DNAJC6: variants seen among roughly 807,000 people sequenced by gnomAD.
The protein encoded by DNAJC6 is auxilin.
A neutral mutation model predicts 110.0 loss-of-function variants in DNAJC6; 34 were observed. That is an observed-to-expected ratio of 0.31 (90% CI 0.24 to 0.41). The LOEUF (loss-of-function observed/expected upper bound fraction) is 0.41. DNAJC6 is among the 10% of genes least tolerant of loss of function. DNAJC6 has a pLI of 1.00. For synonymous variants in DNAJC6, 406 were observed against 437.2 expected (o/e 0.93, Z 0.89); for missense variants, 1,031 against 1,207.8 (o/e 0.85, Z 2.17).
intron 1 of DNAJC6, among the ~76,000 whole-genome samples, chr1:65,360,710 T>G (rs1159161793): frequency 1.3e-5 from 2 of 152,180 alleles, no homozygotes; most frequent in African/African-American, 4.8e-5. Context: ...GAGAGCATTC[T>G]CAGATTTGTA....
intron 1 of DNAJC6, among the ~76,000 whole-genome samples, chr1:65,324,390 T>C (rs985709139): frequency 6.6e-6 from 1 of 151,894 alleles, no homozygotes; most frequent in Non-Finnish European, 1.5e-5. Context: ...GATGGAGTCT[T>C]GCCCTGTTGC....
At chr1:65,339,546 A>G (rs1405936531) in intron 1 of DNAJC6, among the ~76,000 whole-genome samples, 1 of 152,202 alleles carries the variant, frequency 6.6e-6, no homozygotes. Context: ...TTTAGGTACA[A>G]TTGTTATTTT....
At chr1:65,390,137 A>G (rs993912118) in intron 11 of DNAJC6, among the ~76,000 whole-genome samples, 5 of 152,166 alleles carry the variant, frequency 3.3e-5, no homozygotes, top group Non-Finnish European at 5.9e-5. Context: ...AGGCCATTTT[A>G]AACTGAATTC....
intron 1 of DNAJC6, among the ~76,000 whole-genome samples, chr1:65,314,838 A>G (rs1163462469): frequency 2.0e-5 from 3 of 152,262 alleles, no homozygotes; most frequent in African/African-American, 7.2e-5. Context: ...GTTTCTGGAT[A>G]ATCGTTTAAA....
At chr1:65,276,185 A>G (rs1157606565) in intron 1 of DNAJC6, among the ~76,000 whole-genome samples, 2 of 152,290 alleles carry the variant, frequency 1.3e-5, no homozygotes, top group Admixed American at 6.5e-5. Context: ...CCCAGCCTCT[A>G]TTAGATTCTT....
chr1:65,305,544 G>A (rs764318718), upstream of DNAJC6, among the ~76,000 whole-genome samples: 1 of 152,134 alleles, frequency 6.6e-6, no homozygotes, highest in Non-Finnish European at 1.5e-5. Context: ...ACTAGGTAAT[G>A]CCATGACATT....
At chr1:65,270,164 G>A (rs1041177449) in intron 1 of DNAJC6, among the ~76,000 whole-genome samples, 3 of 152,112 alleles carry the variant, frequency 2.0e-5, no homozygotes, top group African/African-American at 7.2e-5. Flanking sequence ...ATATACAAGT[G>A]CAAGTAGCTA....
chr1:65,301,291 CAAATT>C (rs1433738454), intron 1 of DNAJC6, among the ~76,000 whole-genome samples: 1 of 152,066 alleles, frequency 6.6e-6, no homozygotes, highest in Admixed American at 6.6e-5. Context: ...AAAATCAACA[CAAATT>C]AAAGGCTTCT....
At chr1:65,357,469 T>C (rs1252908881) in intron 1 of DNAJC6, among the ~76,000 whole-genome samples, 1 of 152,226 alleles carries the variant, frequency 6.6e-6, no homozygotes, top group African/African-American at 2.4e-5. Flanking sequence ...CTGCAGTTGG[T>C]GCCAAGTGTT....
In DNAJC6 at chr1:65,385,857, A is replaced by T. The variant is rs1324771569; in HGVS notation, c.946A>T (p.Ile316Phe). 4 of 1,613,052 alleles carry T rather than the reference A, an allele frequency of 2.5e-6. No homozygotes were observed. Among genetic ancestry groups the T allele is most frequent in the Non-Finnish European group, 3.4e-6 (4 of 1,179,290 alleles). The change falls in exon 7 of 19, where the codon ATT becomes TTT. Residue 316 changes from isoleucine (I) to phenylalanine (F), a missense_variant. Physicochemically the swap from Ile to Phe is conservative, Grantham distance 21 (BLOSUM62 0). Transcript: ENST00000371069. The stretch of plus-strand genomic sequence containing the variant: ...ATGTCGCCCTTACTGTGATGTACTC[A>T]TTGGAGAAACCAAAATATATTCGAC... ...NGCRPYCDVL[I>F]GETKIYSTCT...
upstream of DNAJC6, among the ~76,000 whole-genome samples, chr1:65,309,319 C>T (rs2101354215): frequency 6.6e-6 from 1 of 151,390 alleles, no homozygotes; most frequent in Middle Eastern, 3.4e-3. Flanking sequence ...TCCTACCTCC[C>T]TTTCCTTCCC....
chr1:65,388,406 A>G lies in DNAJC6; in HGVS notation c.1184A>G (p.Lys395Arg). 1 of 1,614,024 alleles carries G rather than the reference A, an allele frequency of 6.2e-7. No individual in the cohort carries two copies. The highest frequency in any genetic ancestry group is 1.1e-5 in the South Asian group (1 of 91,088). Residue 395 changes from lysine to arginine, a missense_variant, in exon 9 of 19, where the codon AAG becomes AGG. Physicochemically the swap from Lys to Arg is conservative, Grantham distance 26. Transcript: ENST00000371069. ...ATACCACTGGACACAACAGTTTTAA[A>G]GTTCACCAAGTAAGTACTGGTTGGG... ...GFIPLDTTVLKFTKPELDACD... is the reference protein window; with the variant it reads ...GFIPLDTTVLRFTKPELDACD...
At chr1:65,269,196 C>A (rs1570190629) in intron 1 of DNAJC6, among the ~76,000 whole-genome samples, 2 of 151,906 alleles carry the variant, frequency 1.3e-5, no homozygotes, top group Non-Finnish European at 2.9e-5. Context: ...GGTGAAACCC[C>A]CTCTCTACTA....
In DNAJC6 at chr1:65,405,894, C is replaced by T. The variant is rs746796279; in HGVS notation, c.2252C>T (p.Pro751Leu). ...GGTAGTTCTTCCTTTGCCAGCAAAC[C>T]CACCACACCAACTGGATTGGGTGGA... ...TLGSSSFASK[P>L]TTPTGLGGGF... Residue 751 changes from proline (P) to leucine (L), a missense_variant, in exon 16 of 19, where the codon CCC becomes CTC. Physicochemically the swap from Pro to Leu is moderately conservative, Grantham distance 98. Coordinates refer to ENST00000371069, the MANE Select transcript of DNAJC6 (RefSeq NM_001256864.2). 6.2e-7 allele frequency: 1 copy of T among 1,607,154 alleles called. No homozygotes were observed. Among genetic ancestry groups the T allele is most frequent in the Non-Finnish European group, 8.5e-7 (1 of 1,176,076 alleles).
chr1:65,266,963 C>A (rs1653354472), intron 1 of DNAJC6, among the ~76,000 whole-genome samples: 1 of 150,028 alleles, frequency 6.7e-6, no homozygotes, highest in Non-Finnish European at 1.5e-5. Flanking sequence ...ATGGTGCGAT[C>A]TCGGCCCACT....
chr1:65,342,712 T>G (rs930510350), intron 1 of DNAJC6, among the ~76,000 whole-genome samples: 1 of 152,202 alleles, frequency 6.6e-6, no homozygotes, highest in African/African-American at 2.4e-5. Flanking sequence ...GTAGTCTAGT[T>G]CCCAGGGATC....
chr1:65,289,830 G>A (rs1654140629), intron 1 of DNAJC6, among the ~76,000 whole-genome samples: 1 of 147,316 alleles, frequency 6.8e-6, no homozygotes, highest in Non-Finnish European at 1.5e-5. Context: ...TTTTTTTTGA[G>A]ACAGAGTTTC....
chr1:65,400,119 G>T (rs1646016579), intron 14 of DNAJC6, among the ~76,000 whole-genome samples: 2 of 152,122 alleles, frequency 1.3e-5, no homozygotes, highest in Admixed American at 1.3e-4. Flanking sequence ...GGTTGAGGCT[G>T]CAGTGAGCCG....
intron 1 of DNAJC6, among the ~76,000 whole-genome samples, chr1:65,302,560 G>A (rs1172411460): frequency 2.7e-5 from 3 of 112,558 alleles, no homozygotes; most frequent in African/African-American, 3.6e-5. Flanking sequence ...ACGGAGTCTC[G>A]CTCTGTCGCC....
Sources: gnomAD v4.1 joint callset for allele counts (sites outside exome capture counted in the v4.1 genomes callset) on GRCh38, gnomAD v4.1.1 for gene constraint, MANE v1.5 for transcripts, NCBI Gene and HGNC (gene_info 2026-07-23, HGNC 2026-07-21) for gene names.